SLC20A2: variants seen among roughly 807,000 people sequenced by gnomAD.
SLC20A2 encodes the protein sodium-dependent phosphate transporter 2.
SLC20A2 carries 30 observed loss-of-function variants against 61.0 expected under a neutral mutation model. The ratio of observed to expected loss-of-function variants is 0.49; its 90% CI spans 0.37 to 0.67. SLC20A2 has a LOEUF of 0.67. SLC20A2 is among the 30% of genes least tolerant of loss of function. SLC20A2 has a pLI of 0.00. For missense variants in SLC20A2, 626 were observed against 866.4 expected, an observed-to-expected ratio of 0.72 and a Z score of 3.48; for synonymous variants, 351 against 353.3, an observed-to-expected ratio of 0.99 and a Z score of 0.07.
At chr8:42,466,278 G>A (rs1391535832) in intron 2 of SLC20A2, among the ~76,000 whole-genome samples, 1 of 152,180 alleles carries the variant, frequency 6.6e-6, no homozygotes, top group East Asian at 1.9e-4. Context: ...TAAAGATGGG[G>A]TCTCACTATG....
At chr8:42,446,885 GAAAT>G (rs1805256977) in intron 5 of SLC20A2, among the ~76,000 whole-genome samples, 11 of 152,014 alleles carry the variant, frequency 7.2e-5, no homozygotes, top group Admixed American at 5.2e-4. Flanking sequence ...AAAAGAAAAA[GAAAT>G]AAAAATATAT....
intron 8 of SLC20A2, among the ~76,000 whole-genome samples, chr8:42,436,002 C>T (rs997623964): frequency 2.0e-5 from 3 of 151,924 alleles, no homozygotes; most frequent in Admixed American, 6.6e-5. Context: ...GTAATCCCAG[C>T]GGCTTGGGAA....
chr8:42,533,651 G>GTTTTTTTTTTTT (rs1554577829), intron 1 of SLC20A2, among the ~76,000 whole-genome samples: 1 of 89,738 alleles, frequency 1.1e-5, no homozygotes, highest in African/African-American at 4.8e-5. Flanking sequence ...ATGATCAACT[G>GTTTTTTTTTTTT]TTCTTTTTTT....
intron 5 of SLC20A2, among the ~76,000 whole-genome samples, chr8:42,459,141 C>A (rs1806476348): frequency 6.9e-6 from 1 of 144,072 alleles, no homozygotes; most frequent in Non-Finnish European, 1.5e-5. Context: ...GAGGCTGAGG[C>A]AGGAGAATCG....
intron 1 of SLC20A2, among the ~76,000 whole-genome samples, chr8:42,513,874 T>G (rs543010288): frequency 6.6e-5 from 10 of 152,192 alleles, no homozygotes; most frequent in African/African-American, 2.4e-4. Flanking sequence ...AAAGGCATTC[T>G]AGGAAGAGCA....
At chr8:42,515,900 G>A (rs1382368432) in intron 1 of SLC20A2, among the ~76,000 whole-genome samples, 3 of 152,172 alleles carry the variant, frequency 2.0e-5, no homozygotes, top group Non-Finnish European at 4.4e-5. Context: ...AATATTGGCA[G>A]TGCACTTCCA....
At chr8:42,438,870 C>A (rs976798063) in intron 7 of SLC20A2, among the ~76,000 whole-genome samples, 1 of 152,198 alleles carries the variant, frequency 6.6e-6, no homozygotes, top group Non-Finnish European at 1.5e-5. Context: ...GCACCCACCA[C>A]CATACCCAGC....
intron 2 of SLC20A2, among the ~76,000 whole-genome samples, chr8:42,470,591 C>T (rs1031873052): frequency 2.6e-5 from 4 of 152,132 alleles, no homozygotes; most frequent in African/African-American, 7.2e-5. Context: ...TTCCTTAGTA[C>T]AACAGGCTGC....
chr8:42,495,842 C>A (rs1008246360), intron 1 of SLC20A2, among the ~76,000 whole-genome samples: 4 of 151,982 alleles, frequency 2.6e-5, no homozygotes, highest in Non-Finnish European at 5.9e-5. Flanking sequence ...CTCCACCTCC[C>A]AGGTTCAAGC....
chr8:42,436,079 G>A (rs1402060174), intron 8 of SLC20A2, among the ~76,000 whole-genome samples: 2 of 151,908 alleles, frequency 1.3e-5, no homozygotes, highest in African/African-American at 2.4e-5. Context: ...TTGCGCCACT[G>A]CACTCCAGCC....
intron 1 of SLC20A2, among the ~76,000 whole-genome samples, chr8:42,538,854 G>A (rs1157860636): frequency 1.3e-5 from 2 of 152,120 alleles, no homozygotes; most frequent in African/African-American, 4.8e-5. Flanking sequence ...TTCATGTACT[G>A]TAATATACTG....
chr8:42,444,017 A>G (rs530284239), intron 6 of SLC20A2, among the ~76,000 whole-genome samples: 1 of 152,250 alleles, frequency 6.6e-6, no homozygotes, highest in Non-Finnish European at 1.5e-5. Flanking sequence ...AATTTACTCA[A>G]TTTGGTTACC....
At chr8:42,444,607 G>T in intron 6 of SLC20A2, 39 bp downstream of exon 6, 1 of 1,481,024 alleles carries the variant, frequency 6.8e-7, no homozygotes, top group Non-Finnish European at 9.4e-7. Context: ...TGGGAATCGG[G>T]AGCATTTCTG....
intron 1 of SLC20A2, among the ~76,000 whole-genome samples, chr8:42,530,399 T>C (rs1178546926): frequency 1.3e-5 from 2 of 152,170 alleles, no homozygotes; most frequent in African/African-American, 4.8e-5. Context: ...TAACCCAGTG[T>C]TGGGATTACA....
intron 10 of SLC20A2, among the ~76,000 whole-genome samples, chr8:42,426,443 C>T (rs1167860223): frequency 1.3e-5 from 2 of 152,194 alleles, no homozygotes; most frequent in Non-Finnish European, 2.9e-5. Context: ...CGCCTGTAAT[C>T]CCAGCACTTT....
chr8:42,443,266 TA>T (rs869062806), intron 6 of SLC20A2, among the ~76,000 whole-genome samples: 11,889 of 93,008 alleles, frequency 0.13, 1,828 homozygotes, highest in Non-Finnish European at 0.16. Context: ...TATTATAGGA[TA>T]TATATATATA....
intron 2 of SLC20A2, among the ~76,000 whole-genome samples, chr8:42,467,101 T>C (rs992795083): frequency 9.2e-5 from 14 of 152,172 alleles, no homozygotes; most frequent in African/African-American, 3.4e-4. Context: ...CTGGATGCAG[T>C]GAGCCACTGC....
chr8:42,535,333 T>C (rs1812635315), intron 1 of SLC20A2: 2 of 151,904 alleles, frequency 1.3e-5, no homozygotes, highest in Admixed American at 1.3e-4. Flanking sequence ...TCCAAGGAGA[T>C]GCCTTTAAAA....
At chr8:42,526,598 A>G (rs1044822868) in intron 1 of SLC20A2, among the ~76,000 whole-genome samples, 11 of 151,124 alleles carry the variant, frequency 7.3e-5, no homozygotes, top group East Asian at 2.0e-4. Flanking sequence ...GCGTGAACCC[A>G]GGAGGCAGAG....
Sources: allele counts gnomAD v4.1 joint callset (sites outside exome capture counted in the v4.1 genomes callset), GRCh38; gene constraint gnomAD v4.1.1; transcripts MANE v1.5; gene names NCBI Gene and HGNC (gene_info 2026-07-23, HGNC 2026-07-21).